The following SGCZ variants were observed in gnomAD, a reference collection of about 807,000 sequenced individuals.
SGCZ encodes the protein sarcoglycan zeta, also known as zeta-sarcoglycan.
Under a neutral mutation model 41.3 loss-of-function variants are expected in SGCZ, and 40 were observed. The observed-to-expected ratio is 0.97, with a 90% CI of 0.75 to 1.26. The LOEUF (loss-of-function observed/expected upper bound fraction) is 1.26, where lower values mean the gene tolerates loss of function less well. Ranked by LOEUF, SGCZ falls within the 50% of genes most tolerant of loss-of-function variation. The pLI is 0.00. For synonymous variants in SGCZ, 206 were observed against 137.5 expected (o/e 1.50, Z -3.49); for missense variants, 552 against 369.8 (o/e 1.49, Z -4.04).
chr8:14,928,419 G>C (rs1405699902), intron 1 of SGCZ, among the ~76,000 whole-genome samples: 6 of 152,098 alleles, frequency 3.9e-5, no homozygotes, highest in Admixed American at 3.9e-4. Flanking sequence ...TAATGATATG[G>C]AGGTTAAAAC....
At chr8:14,181,695 C>T (rs542171197) in intron 4 of SGCZ, among the ~76,000 whole-genome samples, 15 of 152,160 alleles carry the variant, frequency 9.9e-5, no homozygotes, top group African/African-American at 1.4e-4. Flanking sequence ...TCTGCACAAG[C>T]GCTCTTGCCT....
chr8:14,714,769 T>C (rs1005857603), intron 1 of SGCZ, among the ~76,000 whole-genome samples: 12 of 152,162 alleles, frequency 7.9e-5, no homozygotes, highest in African/African-American at 2.4e-4. Context: ...TAAGCAGCTA[T>C]ATATTTAAGA....
intron 2 of SGCZ, among the ~76,000 whole-genome samples, chr8:14,466,496 T>G (rs1326783513): frequency 6.6e-6 from 1 of 151,978 alleles, no homozygotes; most frequent in Non-Finnish European, 1.5e-5. Flanking sequence ...TCCTTGGATC[T>G]TTATACTCTT....
At chr8:14,380,499 C>G (rs1026020247) in intron 2 of SGCZ, among the ~76,000 whole-genome samples, 2 of 152,134 alleles carry the variant, frequency 1.3e-5, no homozygotes, top group Non-Finnish European at 2.9e-5. Context: ...AACACTTTAT[C>G]AATTCATTTT....
chr8:15,083,749 G>C (rs1426164165), intron 1 of SGCZ, among the ~76,000 whole-genome samples: 2 of 151,862 alleles, frequency 1.3e-5, no homozygotes, highest in Non-Finnish European at 2.9e-5. Context: ...TGGGTTTTTT[G>C]TTGTTGTTGT....
chr8:14,949,121 T>A (rs1800547476), intron 1 of SGCZ, among the ~76,000 whole-genome samples: 1 of 152,028 alleles, frequency 6.6e-6, no homozygotes, highest in African/African-American at 2.4e-5. Context: ...AACCAGAAAA[T>A]CAAGAATTAG....
intron 2 of SGCZ, among the ~76,000 whole-genome samples, chr8:14,337,710 G>A (rs1416770822): frequency 6.6e-6 from 1 of 152,130 alleles, no homozygotes; most frequent in Admixed American, 6.5e-5. Flanking sequence ...CAGAGGACAT[G>A]CCAATTATCA....
intron 2 of SGCZ, among the ~76,000 whole-genome samples, chr8:14,451,000 T>C (rs1363741372): frequency 2.0e-5 from 3 of 152,128 alleles, no homozygotes; most frequent in African/African-American, 4.8e-5. Flanking sequence ...CTGTGCAAAA[T>C]ACAGCTGCTT....
chr8:14,687,815 T>C (rs1387101826), intron 1 of SGCZ, among the ~76,000 whole-genome samples: 3 of 152,104 alleles, frequency 2.0e-5, no homozygotes, highest in Admixed American at 6.5e-5. Context: ...CCACCAATAG[T>C]GTAAAAGTGT....
At chr8:14,431,648 A>G (rs941828709) in intron 2 of SGCZ, among the ~76,000 whole-genome samples, 1 of 152,190 alleles carries the variant, frequency 6.6e-6, no homozygotes, top group African/African-American at 2.4e-5. Context: ...ATGACAAAGA[A>G]CCCAAAATCA....
intron 7 of SGCZ, among the ~76,000 whole-genome samples, chr8:14,102,089 T>C (rs1269888960): frequency 1.9e-4 from 19 of 99,936 alleles, no homozygotes; most frequent in African/African-American, 1.8e-4. Context: ...TATATATATA[T>C]ATATATATAT....
chr8:15,016,980 A>G (rs1465102674), intron 1 of SGCZ, among the ~76,000 whole-genome samples: 7 of 152,176 alleles, frequency 4.6e-5, no homozygotes, highest in African/African-American at 1.7e-4. Context: ...ACAGCAAGCC[A>G]TTCCTGAAGG....
chr8:14,792,035 T>C (rs543111374), intron 1 of SGCZ, among the ~76,000 whole-genome samples: 1 of 152,320 alleles, frequency 6.6e-6, no homozygotes, highest in Non-Finnish European at 1.5e-5. Flanking sequence ...ATGTTCTCAG[T>C]AGTGTGATTA....
In SGCZ at chr8:15,178,231, T is replaced by TTA. The variant is rs1554472134; in HGVS notation, c.39+59353_39+59354insTA. On this transcript the variant is annotated intron_variant, in intron 1 of 7. Transcript: ENST00000382080. ...TTTTTTTCTTTGAGAATTTTTTTTTTACTAATCAATAAAATCCCTTTGATG... is the reference window on the plus strand; with the variant it reads ...TTTTTTTCTTTGAGAATTTTTTTTTTTAACTAATCAATAAAATCCCTTTGATG... 1.7e-4 allele frequency among the ~76,000 whole-genome samples: 26 copies of TTA among 152,270 alleles called. 2 individuals carry two copies. The highest frequency in any genetic ancestry group is 1.0e-3 in the Admixed American group (16 of 15,284).
chr8:14,368,217 G>C (rs116561355), intron 2 of SGCZ, among the ~76,000 whole-genome samples: 2,252 of 152,076 alleles, frequency 0.015, 70 homozygotes, highest in African/African-American at 0.05. Flanking sequence ...ATATATGTGA[G>C]TGTATTTCAA....
At chr8:14,882,809 C>T (rs956653145) in intron 1 of SGCZ, among the ~76,000 whole-genome samples, 7 of 152,092 alleles carry the variant, frequency 4.6e-5, no homozygotes, top group Admixed American at 2.0e-4. Context: ...CGCACCTGCA[C>T]TAGACCCTGT....
intron 1 of SGCZ, among the ~76,000 whole-genome samples, chr8:14,661,475 C>G (rs1325062505): frequency 6.6e-6 from 1 of 152,090 alleles, no homozygotes; most frequent in African/African-American, 2.4e-5. Context: ...AGTGCAATAT[C>G]TACAATTTAG....
chr8:14,367,941 T>A (rs1423475693), intron 2 of SGCZ, among the ~76,000 whole-genome samples: 3 of 152,100 alleles, frequency 2.0e-5, no homozygotes, highest in Admixed American at 2.0e-4. Context: ...GAATGATAAA[T>A]CCCTGAAACT....
intron 5 of SGCZ, among the ~76,000 whole-genome samples, chr8:14,124,388 C>G (rs1188012000): frequency 2.0e-5 from 3 of 151,930 alleles, no homozygotes; most frequent in Non-Finnish European, 4.4e-5. Flanking sequence ...TGAAACACAC[C>G]CACACAAGAC....
Sources: gnomAD v4.1 joint callset for allele counts (sites outside exome capture counted in the v4.1 genomes callset) on GRCh38, gnomAD v4.1.1 for gene constraint, MANE v1.5 for transcripts, NCBI Gene and HGNC (gene_info 2026-07-23, HGNC 2026-07-21) for gene names.